Variants in ARHGAP26 observed in about 807,000 individuals in gnomAD.
ARHGAP26 encodes the protein rho GTPase-activating protein 26.
A neutral mutation model predicts 104.8 loss-of-function variants in ARHGAP26; 38 were observed. The observed-to-expected ratio is 0.36, with a 90% CI of 0.28 to 0.48. The LOEUF (loss-of-function observed/expected upper bound fraction) is 0.48. Among genes scored for constraint, ARHGAP26 ranks in the 20% least tolerant of loss-of-function variants. The probability of loss-of-function intolerance (pLI) is 0.99; values close to 1 mark genes in which losing one functional copy is unlikely to be tolerated. For missense variants in ARHGAP26, 704 were observed against 947.9 expected (o/e 0.74, Z 3.38); for synonymous variants, 341 against 340.0 (o/e 1.00, Z -0.03).
intron 12 of ARHGAP26, among the ~76,000 whole-genome samples, chr5:143,028,066 C>A (rs1049833839): frequency 4.6e-5 from 7 of 152,174 alleles, no homozygotes; most frequent in African/African-American, 1.7e-4. Flanking sequence ...AAGAGTCAGA[C>A]TGAGTTAAAT....
At chr5:142,868,473 G>C (rs1172646490) in intron 1 of ARHGAP26, among the ~76,000 whole-genome samples, 2 of 152,240 alleles carry the variant, frequency 1.3e-5, no homozygotes, top group African/African-American at 4.8e-5. Context: ...GGGGAGGCCA[G>C]AGAGGAGCAG....
intron 11 of ARHGAP26, among the ~76,000 whole-genome samples, chr5:142,974,688 C>T (rs1199697250): frequency 6.6e-6 from 1 of 152,222 alleles, no homozygotes; most frequent in African/African-American, 2.4e-5. Context: ...CTGAGCTTTT[C>T]CTTCCATCCT....
At chr5:142,907,650 T>C (rs1428125826) in intron 8 of ARHGAP26, 54 bp from the exon 9 acceptor site, 3 of 1,233,618 alleles carry the variant, frequency 2.4e-6, no homozygotes, top group Non-Finnish European at 3.5e-6. Flanking sequence ...CAGCTCATGA[T>C]GTATAGCATA....
At chr5:143,092,154 C>CT (rs1228485202) in intron 17 of ARHGAP26, among the ~76,000 whole-genome samples, 3 of 139,078 alleles carry the variant, frequency 2.2e-5, no homozygotes, top group Admixed American at 8.3e-5. Context: ...GCAAACATCC[C>CT]TTTGTTTTTT....
At chr5:143,165,612 C>T (rs147006812) in intron 20 of ARHGAP26, among the ~76,000 whole-genome samples, 134 of 152,192 alleles carry the variant, frequency 8.8e-4, no homozygotes, top group Admixed American at 6.6e-3. Flanking sequence ...AGGTTTGTTA[C>T]GTGGGTATAT....
intron 17 of ARHGAP26, among the ~76,000 whole-genome samples, chr5:143,070,913 GAAAA>G (rs145620730): frequency 6.7e-6 from 1 of 148,558 alleles, no homozygotes; most frequent in South Asian, 2.1e-4. Flanking sequence ...CACTATCGCA[GAAAA>G]AAAAACAACA....
chr5:142,809,919 T>C (rs891697493), intron 1 of ARHGAP26, among the ~76,000 whole-genome samples: 1 of 152,216 alleles, frequency 6.6e-6, no homozygotes, highest in South Asian at 2.1e-4. Flanking sequence ...GGATCTTACA[T>C]TGGACTGGTG....
intron 17 of ARHGAP26, among the ~76,000 whole-genome samples, chr5:143,083,082 C>T (rs1253213908): frequency 6.6e-6 from 1 of 152,222 alleles, no homozygotes; most frequent in Non-Finnish European, 1.5e-5. Flanking sequence ...CGAAGGCAGT[C>T]TCTATGTATC....
intron 17 of ARHGAP26, among the ~76,000 whole-genome samples, chr5:143,087,765 T>G (rs935986152): frequency 4.0e-5 from 6 of 150,616 alleles, no homozygotes; most frequent in Non-Finnish European, 7.4e-5. Flanking sequence ...TTCTTCTGCC[T>G]CAGCCTCCCG....
intron 12 of ARHGAP26, among the ~76,000 whole-genome samples, chr5:143,020,902 A>T (rs1222135098): frequency 1.3e-5 from 2 of 152,102 alleles, no homozygotes; most frequent in African/African-American, 2.4e-5. Context: ...GGCCTCCCAA[A>T]GTGCTGGGAT....
At chr5:143,113,591 A>G (rs1379717663) in intron 17 of ARHGAP26, among the ~76,000 whole-genome samples, 2 of 152,196 alleles carry the variant, frequency 1.3e-5, no homozygotes, top group African/African-American at 4.8e-5. Context: ...TGTGCCAGCC[A>G]GCTATAAATG....
intron 11 of ARHGAP26, among the ~76,000 whole-genome samples, chr5:142,982,430 T>A (rs1039102231): frequency 6.6e-6 from 1 of 151,604 alleles, no homozygotes; most frequent in African/African-American, 2.4e-5. Context: ...GGACAGGGGG[T>A]GTCTTGTAGT....
rs929875069 is a variant in ARHGAP26, at chr5:142,951,078, G to A, written c.1107+18953G>A. On this transcript the variant is annotated intron_variant, in intron 11 of 22. Transcript: ENST00000645722. The stretch of plus-strand genomic sequence containing the variant: ...CCCTTCCCCCTCCCCTTCCCTTTCC[G>A]AGACAGAGTCTCACTTTGTAGCCCA... Among the ~76,000 whole-genome samples, 8 of 135,218 alleles carry A rather than the reference G, an allele frequency of 5.9e-5. No homozygotes were observed. The South Asian group carries it at 2.0e-3, about 35-fold the overall frequency. 88.7% of individuals were successfully genotyped at this position (135,218 alleles called of 152,430 possible).
At chr5:143,118,344 A>G (rs1258470213) in intron 17 of ARHGAP26, among the ~76,000 whole-genome samples, 1 of 152,134 alleles carries the variant, frequency 6.6e-6, no homozygotes, top group African/African-American at 2.4e-5. Flanking sequence ...TTTTTTGAAG[A>G]TGAGGAACCC....
chr5:142,904,551 T>C (rs1598172033), intron 8 of ARHGAP26, among the ~76,000 whole-genome samples: 1 of 151,444 alleles, frequency 6.6e-6, no homozygotes, highest in East Asian at 2.0e-4. Flanking sequence ...CCAAGAATAC[T>C]CATTGTTCTG....
chr5:142,802,332 A>G (rs1047614148), intron 1 of ARHGAP26, among the ~76,000 whole-genome samples: 1 of 152,114 alleles, frequency 6.6e-6, no homozygotes, highest in Non-Finnish European at 1.5e-5. Context: ...CTGGTCCTTA[A>G]TTTTAGTGGA....
At chr5:142,971,871 T>C (rs923476857) in intron 11 of ARHGAP26, among the ~76,000 whole-genome samples, 1 of 152,136 alleles carries the variant, frequency 6.6e-6, no homozygotes, top group African/African-American at 2.4e-5. Flanking sequence ...ATTTCCTATG[T>C]GATACACGGA....
At chr5:143,160,406 T>C (rs1385842411) in intron 20 of ARHGAP26, among the ~76,000 whole-genome samples, 1 of 151,950 alleles carries the variant, frequency 6.6e-6, no homozygotes, top group East Asian at 1.9e-4. Flanking sequence ...CCTCAATAGC[T>C]AGGAGTCTAA....
At chr5:143,079,372 G>A (rs1186001859) in intron 17 of ARHGAP26, among the ~76,000 whole-genome samples, 1 of 152,182 alleles carries the variant, frequency 6.6e-6, no homozygotes, top group Non-Finnish European at 1.5e-5. Context: ...CGTCCTCTAT[G>A]TGTCTATAAA....
Sources: gnomAD v4.1 joint callset for allele counts (sites outside exome capture counted in the v4.1 genomes callset) on GRCh38, gnomAD v4.1.1 for gene constraint, MANE v1.5 for transcripts, NCBI Gene and HGNC (gene_info 2026-07-23, HGNC 2026-07-21) for gene names.